TDRD9: variants seen among roughly 807,000 people sequenced by gnomAD.
TDRD9 encodes the protein tudor domain containing 9, also known as ATP-dependent RNA helicase TDRD9.
A neutral mutation model predicts 172.6 loss-of-function variants in TDRD9; 124 were observed. That is an observed-to-expected ratio of 0.72 (90% CI 0.62 to 0.83). The LOEUF (loss-of-function observed/expected upper bound fraction) is 0.83. Ranked by LOEUF, TDRD9 falls within the 40% of genes least tolerant of loss-of-function variation. The pLI is 0.00. For synonymous variants in TDRD9, 619 were observed against 617.1 expected (o/e 1.00, Z -0.05); for missense variants, 1,479 against 1,714.1 (o/e 0.86, Z 2.42).
chr14:103,951,254 C>T (rs949673206), intron 1 of TDRD9, among the ~76,000 whole-genome samples: 2 of 152,220 alleles, frequency 1.3e-5, no homozygotes, highest in African/African-American at 4.8e-5. Context: ...TAGTAAAAAG[C>T]AGCATTGCCA....
intron 1 of TDRD9, among the ~76,000 whole-genome samples, chr14:103,942,848 A>G (rs769867422): frequency 7.2e-5 from 11 of 152,246 alleles, no homozygotes; most frequent in Non-Finnish European, 5.9e-5. Flanking sequence ...CAAAATAGTT[A>G]AATTTGTATA....
At chr14:103,948,767 AG>A (rs2031707839) in intron 1 of TDRD9, among the ~76,000 whole-genome samples, 1 of 151,668 alleles carries the variant, frequency 6.6e-6, no homozygotes, top group African/African-American at 2.4e-5. Context: ...TCTACTTAGG[AG>A]GCTGAGATGG....
chr14:104,007,069 G>A lies in TDRD9; in HGVS notation c.2008-91G>A, dbSNP rs1452907122. ...AAAAATTAAATTTGTAAATTTTTAT[G>A]TTGTAAATTTTCAGGTTTGTTGAAA... On this transcript the variant is annotated intron_variant, in intron 18 of 35. Transcript: ENST00000409874. 7 of 1,274,986 alleles carry A rather than the reference G, an allele frequency of 5.5e-6. No individual in the cohort carries two copies. In the East Asian group the frequency reaches 1.2e-4, roughly 23 times the overall value. 79.0% of individuals were successfully genotyped at this position (1,274,986 alleles called of 1,614,324 possible).
chr14:103,946,528 T>A (rs984851295), intron 1 of TDRD9, among the ~76,000 whole-genome samples: 1 of 152,182 alleles, frequency 6.6e-6, no homozygotes, highest in East Asian at 1.9e-4. Flanking sequence ...TTACTTAACT[T>A]AGTACTAGAA....
At chr14:103,930,902 C>G (rs1341669726) in intron 1 of TDRD9, among the ~76,000 whole-genome samples, 1 of 152,036 alleles carries the variant, frequency 6.6e-6, no homozygotes, top group African/African-American at 2.4e-5. Context: ...TTTAAGATTT[C>G]TAGTCCTTCA....
At chr14:104,002,727 CTTTTCTTTTTTTT>C (rs1214369693) in intron 13 of TDRD9, among the ~76,000 whole-genome samples, 5 of 137,630 alleles carry the variant, frequency 3.6e-5, no homozygotes, top group African/African-American at 7.4e-5. Context: ...TTTTTCTTTT[CTTTTCTTTTTTTT>C]TTTTCTTTTT....
chr14:104,038,384 C>T (rs566658808), intron 32 of TDRD9, among the ~76,000 whole-genome samples: 7 of 152,204 alleles, frequency 4.6e-5, no homozygotes, highest in Non-Finnish European at 1.0e-4. Context: ...AAACAAGCTA[C>T]CCCAAAACTT....
At chr14:103,985,912 C>T (rs374163753) in intron 7 of TDRD9, among the ~76,000 whole-genome samples, 4 of 152,124 alleles carry the variant, frequency 2.6e-5, no homozygotes, top group Non-Finnish European at 4.4e-5. Flanking sequence ...GTGACTTAAT[C>T]GATGTCTTCA....
intron 7 of TDRD9, among the ~76,000 whole-genome samples, chr14:103,983,369 T>G (rs2033554135): frequency 6.6e-6 from 1 of 151,994 alleles, no homozygotes; most frequent in African/African-American, 2.4e-5. Flanking sequence ...AGCCTAAAAG[T>G]CAACTTTTAT....
chr14:104,021,161 T>C (rs759252340), intron 23 of TDRD9, among the ~76,000 whole-genome samples: 1 of 152,136 alleles, frequency 6.6e-6, no homozygotes, highest in African/African-American at 2.4e-5. Context: ...ATTTCTTACA[T>C]GGCTGGAGCG....
chr14:104,052,365 G>A lies in TDRD9; in HGVS notation c.*283G>A, dbSNP rs1383288860. Reference sequence around the variant, plus strand: ...TCTGAAAGAAGTCTGTTTGGATAAAGAGCTGTATTTTGCTTTAAATTTATT... The same window carrying A: ...TCTGAAAGAAGTCTGTTTGGATAAAAAGCTGTATTTTGCTTTAAATTTATT... On this transcript the variant is annotated 3_prime_UTR_variant, in exon 36 of 36. Coordinates refer to ENST00000409874, the MANE Select transcript of TDRD9 (RefSeq NM_153046.3). The A allele has an allele frequency of 4.3e-6, 1 of 233,296 alleles. No homozygotes were observed. 14.5% of individuals were successfully genotyped at this position (233,296 alleles called of 1,614,324 possible).
chr14:103,956,179 C>T (rs1398877704), intron 2 of TDRD9, among the ~76,000 whole-genome samples: 1 of 127,866 alleles, frequency 7.8e-6, no homozygotes, highest in African/African-American at 3.1e-5. Context: ...GTGGCTCATG[C>T]CTGTAATCCC....
At chr14:103,955,428 A>G (rs1219021056) in intron 1 of TDRD9, among the ~76,000 whole-genome samples, 1 of 152,220 alleles carries the variant, frequency 6.6e-6, no homozygotes, top group Non-Finnish European at 1.5e-5. Context: ...CCATAAATGT[A>G]TCTCTCCTCA....
chr14:104,009,403 A>T (rs1595981457), intron 20 of TDRD9, among the ~76,000 whole-genome samples: 1 of 152,264 alleles, frequency 6.6e-6, no homozygotes, highest in South Asian at 2.1e-4. Flanking sequence ...AAGGTTAGGG[A>T]TCACTGGTAT....
chr14:103,941,079 A>G, intron 1 of TDRD9: 1 of 1,534,138 alleles, frequency 6.5e-7, no homozygotes, highest in Admixed American at 2.0e-5. Context: ...GCAGTACATC[A>G]TTTTCTGCCA....
At chr14:104,033,459 C>T (rs2035348015) in intron 30 of TDRD9, among the ~76,000 whole-genome samples, 1 of 152,206 alleles carries the variant, frequency 6.6e-6, no homozygotes, top group Admixed American at 6.5e-5. Flanking sequence ...AGCACTTTCA[C>T]CTGCTGGAAG....
At chr14:103,985,275 T>A (rs1566760089) in intron 7 of TDRD9, among the ~76,000 whole-genome samples, 1 of 152,254 alleles carries the variant, frequency 6.6e-6, no homozygotes, top group East Asian at 1.9e-4. Context: ...CATTTTGAAA[T>A]CTCACCTGTT....
chr14:103,934,090 C>T (rs927652223), intron 1 of TDRD9, among the ~76,000 whole-genome samples: 5 of 151,866 alleles, frequency 3.3e-5, no homozygotes, highest in Non-Finnish European at 1.5e-5. Context: ...GTGCATAGCT[C>T]GCTGCAGCCT....
chr14:103,955,735 ATG>A lies in TDRD9; in HGVS notation c.293_294del (p.Cys98SerfsTer17), dbSNP rs1434572990. 2 of 1,551,410 alleles carry A rather than the reference ATG, an allele frequency of 1.3e-6. No homozygotes were observed. Among genetic ancestry groups the A allele is most frequent in the Non-Finnish European group, 8.7e-7 (1 of 1,146,840 alleles). On this transcript the variant is annotated frameshift_variant, in exon 2 of 36. Coordinates refer to ENST00000409874, the MANE Select transcript of TDRD9 (RefSeq NM_153046.3). LOFTEE classifies it high-confidence loss of function. ...AGACAGCTCGAAGCACAAGAGCTTG[ATG>A]TGTGTCGCAGTGTCCAACCAACCAG...
Sources: gnomAD v4.1 joint callset for allele counts (sites outside exome capture counted in the v4.1 genomes callset) on GRCh38, gnomAD v4.1.1 for gene constraint, MANE v1.5 for transcripts, NCBI Gene and HGNC (gene_info 2026-07-23, HGNC 2026-07-21) for gene names.